The following ITGA1 variants were observed in gnomAD, a reference collection of about 807,000 sequenced individuals.
ITGA1 encodes the protein integrin subunit alpha 1.
In ITGA1, 85 loss-of-function variants were observed where a neutral mutation model predicts 145.9. The observed-to-expected ratio is 0.58, with a 90% CI of 0.49 to 0.70. The LOEUF (loss-of-function observed/expected upper bound fraction) is 0.70. Among genes scored for constraint, ITGA1 ranks in the 30% least tolerant of loss-of-function variants. The pLI, the probability that ITGA1 is intolerant of heterozygous loss-of-function variation, is 0.00. For synonymous variants in ITGA1, 520 were observed against 495.3 expected (o/e 1.05, Z -0.66); for missense variants, 1,351 against 1,418.7 (o/e 0.95, Z 0.77).
intron 1 of ITGA1, among the ~76,000 whole-genome samples, chr5:52,805,751 C>T (rs539457512): frequency 6.6e-6 from 1 of 152,142 alleles, no homozygotes; most frequent in Non-Finnish European, 1.5e-5. Flanking sequence ...CCTTGTGCTC[C>T]CCATCTTAAC....
chr5:52,814,132 A>G (rs753333875), intron 1 of ITGA1, among the ~76,000 whole-genome samples: 14 of 152,188 alleles, frequency 9.2e-5, no homozygotes, highest in Non-Finnish European at 1.9e-4. Flanking sequence ...TTAATTCACA[A>G]TGAGTTGTTT....
chr5:52,881,778 T>C, intron 6 of ITGA1, 95 bp from the exon 7 acceptor site: 1 of 1,160,426 alleles, frequency 8.6e-7, no homozygotes, highest in East Asian at 2.4e-5. Flanking sequence ...CAAACTCATC[T>C]GAAATGTATT....
intron 1 of ITGA1, among the ~76,000 whole-genome samples, chr5:52,841,854 A>T (rs988736162): frequency 2.6e-5 from 4 of 152,166 alleles, no homozygotes; most frequent in African/African-American, 9.7e-5. Context: ...AGTTTATACC[A>T]TGTGAATGGG....
intron 1 of ITGA1, among the ~76,000 whole-genome samples, chr5:52,829,354 G>A (rs58167746): frequency 6.6e-6 from 1 of 151,774 alleles, no homozygotes; most frequent in Non-Finnish European, 1.5e-5. Flanking sequence ...AGTGAAACCT[G>A]TCTTTACCAA....
intron 1 of ITGA1, among the ~76,000 whole-genome samples, chr5:52,830,656 G>C (rs1039250027): frequency 6.6e-6 from 1 of 152,140 alleles, no homozygotes; most frequent in African/African-American, 2.4e-5. Context: ...ATAAAGTGTT[G>C]ATGTAAATTG....
chr5:52,801,802 T>C lies in ITGA1; in HGVS notation c.61+13388T>C, dbSNP rs201507571. ...TCTCCGCTTCCCTGTTCCCGAACTT[T>C]CTGACCAAGAGGGTGATTCCAGTTC... On this transcript the variant is annotated intron_variant, in intron 1 of 28. Transcript: ENST00000282588. The C allele has an allele frequency of 2.2e-5, 35 of 1,613,158 alleles. No individual in the cohort carries two copies. The East Asian group carries it at 6.9e-4, about 32-fold the overall frequency.
intron 1 of ITGA1, chr5:52,803,966 T>A (rs1011152893): frequency 3.3e-5 from 5 of 152,210 alleles, no homozygotes; most frequent in Non-Finnish European, 5.9e-5. Flanking sequence ...CATACTCAAC[T>A]GTCTATAAAA....
chr5:52,927,882 G>T (rs1427580364), intron 20 of ITGA1, among the ~76,000 whole-genome samples: 2 of 152,152 alleles, frequency 1.3e-5, no homozygotes, highest in Non-Finnish European at 2.9e-5. Context: ...CGTAGTAAAA[G>T]ATGAGGCCTT....
intron 9 of ITGA1, 35 bp downstream of exon 9, chr5:52,893,875 C>G: frequency 6.6e-7 from 1 of 1,515,920 alleles, no homozygotes; most frequent in Non-Finnish European, 9.0e-7. Context: ...CATGTTCTCT[C>G]TGCAATTCAA....
At chr5:52,821,169 T>G (rs1244399108) in intron 1 of ITGA1, among the ~76,000 whole-genome samples, 2 of 152,224 alleles carry the variant, frequency 1.3e-5, no homozygotes, top group Non-Finnish European at 2.9e-5. Flanking sequence ...ATACGAAGAC[T>G]TGGATTCAGT....
intron 1 of ITGA1, among the ~76,000 whole-genome samples, chr5:52,812,893 C>A (rs1384312063): frequency 8.0e-6 from 1 of 125,338 alleles, no homozygotes; most frequent in African/African-American, 3.3e-5. Context: ...CTGTTCCTAA[C>A]ATAAATCTCT....
chr5:52,817,463 T>C (rs929164762), intron 1 of ITGA1, among the ~76,000 whole-genome samples: 1 of 152,228 alleles, frequency 6.6e-6, no homozygotes, highest in Non-Finnish European at 1.5e-5. Flanking sequence ...TTACAAGCTT[T>C]GTTAAAACTC....
At chr5:52,789,491 T>A (rs1748197622) in intron 1 of ITGA1, among the ~76,000 whole-genome samples, 1 of 152,162 alleles carries the variant, frequency 6.6e-6, no homozygotes, top group East Asian at 1.9e-4. Context: ...TGAAGATGAT[T>A]TAGAAGTTGA....
intron 15 of ITGA1, among the ~76,000 whole-genome samples, chr5:52,916,218 C>T (rs935056262): frequency 3.9e-5 from 6 of 152,114 alleles, no homozygotes; most frequent in African/African-American, 1.4e-4. Context: ...ATTTCAAAAA[C>T]TGTTCTGTTT....
intron 1 of ITGA1, among the ~76,000 whole-genome samples, chr5:52,837,805 ATCATCCTGGTCT>A (rs1749184916): frequency 6.6e-6 from 1 of 152,114 alleles, no homozygotes; most frequent in South Asian, 2.1e-4. Context: ...GTGCTGAAAG[ATCATCCTGGTCT>A]TAGCAACAGC....
At chr5:52,948,642 G>A (rs1022789077) in intron 28 of ITGA1, among the ~76,000 whole-genome samples, 1 of 152,258 alleles carries the variant, frequency 6.6e-6, no homozygotes, top group Non-Finnish European at 1.5e-5. Context: ...ACTTTATAAG[G>A]GATCAGTGTT....
intron 24 of ITGA1, among the ~76,000 whole-genome samples, chr5:52,939,082 T>C (rs1751014629): frequency 6.6e-6 from 1 of 152,100 alleles, no homozygotes; most frequent in African/African-American, 2.4e-5. Flanking sequence ...TTTGTATTTC[T>C]AGTAGAGATG....
intron 2 of ITGA1, among the ~76,000 whole-genome samples, chr5:52,856,371 A>G (rs187055004): frequency 5.3e-5 from 8 of 152,232 alleles, no homozygotes; most frequent in South Asian, 4.1e-4. Context: ...CCCACTTGAT[A>G]TTACATGTTT....
intron 12 of ITGA1, among the ~76,000 whole-genome samples, chr5:52,906,260 A>G (rs1750405336): frequency 6.6e-6 from 1 of 152,200 alleles, no homozygotes; most frequent in Non-Finnish European, 1.5e-5. Context: ...AGCTTATTAG[A>G]AGATGAAATT....
Sources: gnomAD v4.1 joint callset for allele counts (sites outside exome capture counted in the v4.1 genomes callset) on GRCh38, gnomAD v4.1.1 for gene constraint, MANE v1.5 for transcripts, NCBI Gene and HGNC (gene_info 2026-07-23, HGNC 2026-07-21) for gene names.